Variants in MED27 observed in about 807,000 individuals in gnomAD.
MED27 encodes the protein mediator complex subunit 27.
Under a neutral mutation model 38.2 loss-of-function variants are expected in MED27, and 30 were observed. The ratio of observed to expected loss-of-function variants is 0.79; its 90% CI spans 0.59 to 1.07. The LOEUF (loss-of-function observed/expected upper bound fraction) is 1.07. Ranked by LOEUF, MED27 falls within the 50% of genes least tolerant of loss-of-function variation. The probability of loss-of-function intolerance (pLI) is 0.00; values close to 1 mark genes in which losing one functional copy is unlikely to be tolerated. For synonymous variants in MED27, 122 were observed against 153.5 expected, an observed-to-expected ratio of 0.79 and a Z score of 1.52; for missense variants, 289 against 397.5, an observed-to-expected ratio of 0.73 and a Z score of 2.32.
intron 4 of MED27, among the ~76,000 whole-genome samples, chr9:131,939,110 A>G (rs569055043): frequency 6.6e-6 from 1 of 152,292 alleles, no homozygotes; most frequent in Non-Finnish European, 1.5e-5. Context: ...AAACATTGGG[A>G]GGTTGCATTA....
intron 3 of MED27, among the ~76,000 whole-genome samples, chr9:132,009,968 C>T (rs920166677): frequency 2.6e-5 from 4 of 151,948 alleles, no homozygotes; most frequent in African/African-American, 9.7e-5. Flanking sequence ...GGATATTAGC[C>T]CTTTGTCAGA....
At chr9:131,937,085 G>A (rs1830698989) in intron 4 of MED27, among the ~76,000 whole-genome samples, 1 of 152,164 alleles carries the variant, frequency 6.6e-6, no homozygotes, top group Non-Finnish European at 1.5e-5. Flanking sequence ...AGTAGGTAGT[G>A]GGGGAGGTGG....
At chr9:132,060,028 C>A (rs755648148) in intron 2 of MED27, among the ~76,000 whole-genome samples, 7 of 152,090 alleles carry the variant, frequency 4.6e-5, no homozygotes, top group Non-Finnish European at 1.0e-4. Flanking sequence ...GCAACCTACC[C>A]AAGGACACAG....
chr9:131,871,881 T>G (rs528521418), intron 6 of MED27, among the ~76,000 whole-genome samples: 33 of 152,238 alleles, frequency 2.2e-4, no homozygotes, highest in East Asian at 1.2e-3. Context: ...ACTTTCAACT[T>G]GGGGTATTTG....
chr9:131,863,764 G>C (rs1348831343), intron 6 of MED27, among the ~76,000 whole-genome samples: 1 of 152,168 alleles, frequency 6.6e-6, no homozygotes, highest in Non-Finnish European at 1.5e-5. Context: ...CGGCGCGCCT[G>C]GTGTGGTCCC....
chr9:132,036,206 TG>T (rs774116233), intron 2 of MED27, among the ~76,000 whole-genome samples: 110 of 152,200 alleles, frequency 7.2e-4, no homozygotes, highest in Non-Finnish European at 1.2e-3. Flanking sequence ...ATTACTGTTT[TG>T]TTTTTTTGTT....
chr9:131,888,203 C>T (rs74777948), intron 5 of MED27, among the ~76,000 whole-genome samples: 7,471 of 152,310 alleles, frequency 0.049, 334 homozygotes, highest in Non-Finnish European at 0.066. Context: ...TTCGGCCTGC[C>T]CTTTACCTGC....
chr9:131,862,885 T>C lies in MED27; in HGVS notation c.801+178A>G, dbSNP rs1838675088. The stretch of plus-strand genomic sequence containing the variant: ...AAGCACCAGTGAATGAAGCTGGAAG[T>C]GGTTTCTCCCAGATCCCTTCGCAGT... On this transcript the variant is annotated intron_variant, in intron 7 of 7. Coordinates refer to ENST00000292035, the MANE Select transcript of MED27 (RefSeq NM_004269.4). The surrounding 1 kb of genome is among the most constrained non-coding windows in gnomAD (Gnocchi z 4.6). Among the ~76,000 whole-genome samples, 1 of 152,206 alleles carries C rather than the reference T, an allele frequency of 6.6e-6. No individual in the cohort carries two copies. The highest frequency in any genetic ancestry group is 2.4e-5 in the African/African-American group (1 of 41,458).
intron 2 of MED27, among the ~76,000 whole-genome samples, chr9:132,016,521 A>T (rs764432657): frequency 6.6e-6 from 1 of 152,214 alleles, no homozygotes; most frequent in African/African-American, 2.4e-5. Flanking sequence ...ATGGGAAATC[A>T]ATGGAGGCAA....
intron 6 of MED27, among the ~76,000 whole-genome samples, chr9:131,878,600 C>T (rs1838979482): frequency 6.6e-6 from 1 of 152,172 alleles, no homozygotes; most frequent in Non-Finnish European, 1.5e-5. Flanking sequence ...GGTACACACA[C>T]TCCACCTCTC....
chr9:132,016,477 C>G (rs4246174), intron 2 of MED27, among the ~76,000 whole-genome samples: 149,523 of 152,316 alleles, frequency 0.98, 73,398 homozygotes, highest in East Asian at 1. Flanking sequence ...AATGAATTTT[C>G]CTCAAATTTG....
intron 3 of MED27, among the ~76,000 whole-genome samples, chr9:131,991,824 C>T (rs971787973): frequency 6.6e-6 from 1 of 152,138 alleles, no homozygotes; most frequent in Non-Finnish European, 1.5e-5. Context: ...CAGGTTCAAG[C>T]GATTCTCCTG....
intron 5 of MED27, among the ~76,000 whole-genome samples, chr9:131,888,480 T>C (rs985652078): frequency 3.0e-4 from 45 of 152,270 alleles, no homozygotes; most frequent in African/African-American, 7.7e-4. Flanking sequence ...TCTGGGAGCA[T>C]AGTTCTGCTT....
At chr9:131,972,058 C>T (rs909605585) in intron 3 of MED27, among the ~76,000 whole-genome samples, 2 of 152,206 alleles carry the variant, frequency 1.3e-5, no homozygotes, top group African/African-American at 2.4e-5. Flanking sequence ...TTCTGTTTGC[C>T]TCCCTCTATC....
At chr9:132,018,134 C>A (rs981659067) in intron 2 of MED27, among the ~76,000 whole-genome samples, 37 of 152,220 alleles carry the variant, frequency 2.4e-4, no homozygotes, top group African/African-American at 8.9e-4. Flanking sequence ...TCTCTGAGGA[C>A]CCCCAAACTC....
At chr9:131,921,215 G>T (rs1373363510) in intron 4 of MED27, among the ~76,000 whole-genome samples, 1 of 152,110 alleles carries the variant, frequency 6.6e-6, no homozygotes, top group Non-Finnish European at 1.5e-5. Context: ...TCATCTAGGT[G>T]TCCTGTTAGC....
intron 2 of MED27, among the ~76,000 whole-genome samples, chr9:132,074,083 G>A (rs543175888): frequency 6.6e-6 from 1 of 152,332 alleles, no homozygotes; most frequent in East Asian, 1.9e-4. Flanking sequence ...TTTATAGCAA[G>A]GACAGCGTTG....
At chr9:131,899,729 C>G (rs948661469) in intron 4 of MED27, among the ~76,000 whole-genome samples, 3 of 152,204 alleles carry the variant, frequency 2.0e-5, no homozygotes, top group Non-Finnish European at 2.9e-5. Context: ...CTGGTGTGCG[C>G]TCTCTAGCAG....
intron 2 of MED27, among the ~76,000 whole-genome samples, chr9:132,035,154 G>A (rs1043957870): frequency 9.2e-5 from 14 of 152,190 alleles, no homozygotes; most frequent in African/African-American, 2.9e-4. Flanking sequence ...CAGGAAGGAG[G>A]CTTAGAGAAG....
Sources: gnomAD v4.1 joint callset for allele counts (sites outside exome capture counted in the v4.1 genomes callset) on GRCh38, gnomAD v4.1.1 for gene constraint, Gnocchi (gnomAD v3.1) non-coding constraint, MANE v1.5 for transcripts, NCBI Gene and HGNC (gene_info 2026-07-23, HGNC 2026-07-21) for gene names.